The following KCNQ1 variants were observed in gnomAD, a reference collection of about 807,000 sequenced individuals.
KCNQ1 encodes potassium voltage-gated channel subfamily Q member 1.
Under a neutral mutation model 72.4 loss-of-function variants are expected in KCNQ1, and 49 were observed. The observed-to-expected ratio is 0.68, with a 90% CI of 0.54 to 0.86. The LOEUF (loss-of-function observed/expected upper bound fraction) is 0.86. Among genes scored for constraint, KCNQ1 ranks in the 40% least tolerant of loss-of-function variants. KCNQ1 has a pLI of 0.00. For missense variants in KCNQ1, 790 were observed against 945.1 expected (o/e 0.84, Z 2.15); for synonymous variants, 450 against 412.6 (o/e 1.09, Z -1.10).
rs565704875 is a variant in KCNQ1 at position 2,446,910 on chromosome 11, C to T, written c.386+1426C>T. Among the ~76,000 whole-genome samples the T allele has an allele frequency of 6.6e-5, 10 of 152,286 alleles. No homozygotes were observed. The highest frequency in any genetic ancestry group is 4.1e-4 in the South Asian group (2 of 4,826). On this transcript the variant is annotated intron_variant, in intron 1 of 15. Transcript: ENST00000155840. This position sits in a 1 kb window ranked among gnomAD's most constrained non-coding sequence, Gnocchi z 8.8. ...GCAGTGACCCCAGGGGAACCCAGTC[C>T]GATGCCACTGTGCAAATGTCTAGCA... is the stretch of plus-strand genomic sequence containing the variant.
At position 2,559,822 on chromosome 11, in the gene KCNQ1, C is replaced by A. The variant is rs548226080; in HGVS notation, c.478-10806C>A. Among the ~76,000 whole-genome samples, 2 of 152,086 alleles carry A rather than the reference C, an allele frequency of 1.3e-5. No homozygotes were observed. Among genetic ancestry groups the A allele is most frequent in the East Asian group, 3.9e-4 (2 of 5,106 alleles). Reference sequence around the variant, plus strand: ...AGGCCTGTGGCTAGGGCTCTGCTGCCTGCTTCCTGGGCAGGGGCTCCTTCC... The same window carrying A: ...AGGCCTGTGGCTAGGGCTCTGCTGCATGCTTCCTGGGCAGGGGCTCCTTCC... On this transcript the variant is annotated intron_variant, in intron 2 of 15. Coordinates refer to ENST00000155840, the MANE Select transcript of KCNQ1 (RefSeq NM_000218.3). This position sits in a 1 kb window ranked among gnomAD's most constrained non-coding sequence, Gnocchi z 4.9.
rs917355459 is a variant in KCNQ1 at position 2,647,489 on chromosome 11, T to A, written c.1394-14472T>A. 2 of 398,608 alleles carry A rather than the reference T, an allele frequency of 5.0e-6. No individual in the cohort carries two copies. The highest frequency in any genetic ancestry group is 8.8e-5 in the Admixed American group (2 of 22,736). 24.7% of individuals were successfully genotyped at this position (398,608 alleles called of 1,614,324 possible). ...CTGTTATTGTGTCCTTATCTGGTTT[T>A]GGTATCAAGATACTGCTTGCCTCAC... is the stretch of plus-strand genomic sequence containing the variant. On this transcript the variant is annotated intron_variant, in intron 10 of 15. Transcript: ENST00000155840. The surrounding 1 kb of genome is among the most constrained non-coding windows in gnomAD (Gnocchi z 4.0).
intron 15 of KCNQ1, among the ~76,000 whole-genome samples, chr11:2,812,608 C>T (rs1847513611): frequency 6.6e-6 from 1 of 152,212 alleles, no homozygotes; most frequent in South Asian, 2.1e-4. Flanking sequence ...CTTTCTCTCT[C>T]CCCCTACATT....
chr11:2,694,837 G>C (rs1041952907), intron 11 of KCNQ1: 9 of 398,520 alleles, frequency 2.3e-5, no homozygotes, highest in African/African-American at 1.9e-4. Flanking sequence ...GACAGATATG[G>C]CAGGTCAGAG....
chr11:2,739,331 C>T (rs1009471493), intron 11 of KCNQ1, among the ~76,000 whole-genome samples: 20 of 152,178 alleles, frequency 1.3e-4, no homozygotes, highest in Admixed American at 2.0e-4. Context: ...GTGGCAGGCC[C>T]GAGATTGCCT....
Position 2,848,827 on chromosome 11 carries a change from G to A in KCNQ1, c.*824G>A, listed in dbSNP as rs577950799. On this transcript the variant is annotated 3_prime_UTR_variant, in exon 16 of 16. Transcript: ENST00000155840. ...ACCTCCCCTTGCCAGCTGCTGAGCC[G>A]CAGAGAAGTGACGGTTCCTACACAG... The A allele has an allele frequency of 2.2e-5, 10 of 454,174 alleles. No individual in the cohort carries two copies. The highest frequency in any genetic ancestry group is 8.0e-5 in the African/African-American group (4 of 50,132). The allele number at this position is 454,174 out of a possible 1,614,324, so 28.1% of individuals were successfully genotyped here.
chr11:2,705,318 A>G (rs1850889212), intron 11 of KCNQ1, among the ~76,000 whole-genome samples: 1 of 151,970 alleles, frequency 6.6e-6, no homozygotes, highest in African/African-American at 2.4e-5. Context: ...GCCAGTTCCC[A>G]TTGGGAGGGC....
intron 1 of KCNQ1, among the ~76,000 whole-genome samples, chr11:2,460,827 A>C (rs969824820): frequency 4.6e-5 from 7 of 152,296 alleles, no homozygotes; most frequent in Non-Finnish European, 7.4e-5. Context: ...AGACTGCTTC[A>C]AGCCTCTGGA....
In KCNQ1 at chr11:2,598,340, C is replaced by T. The variant is rs1321398373; in HGVS notation, c.1393+9486C>T. ...ATTTTTAAGCAGTAAATTTTTATCA[C>T]TGTTATTTATTTCTAATTTAGTAGG... On this transcript the variant is annotated intron_variant, in intron 10 of 15. Coordinates refer to ENST00000155840, the MANE Select transcript of KCNQ1 (RefSeq NM_000218.3). This position sits in a 1 kb window ranked among gnomAD's most constrained non-coding sequence, Gnocchi z 6.2. 1.3e-5 allele frequency among the ~76,000 whole-genome samples: 2 copies of T among 152,062 alleles called. No individual in the cohort carries two copies. Among genetic ancestry groups the T allele is most frequent in the Non-Finnish European group, 2.9e-5 (2 of 67,994 alleles).
chr11:2,560,832 C>T (rs1027170078), intron 2 of KCNQ1, among the ~76,000 whole-genome samples: 19 of 151,970 alleles, frequency 1.3e-4, no homozygotes, highest in Admixed American at 5.9e-4. Context: ...TGAGGACAGA[C>T]GTGGAGGAAA....
In KCNQ1 at chr11:2,484,708, T is replaced by C. The variant is rs1846707631; in HGVS notation, c.386+39224T>C. Reference sequence around the variant, plus strand: ...TAGAAACCCAGGCCTGGGTGCATGGTGTGCTCATCGCCACTGTGGACCTGC... The same window carrying C: ...TAGAAACCCAGGCCTGGGTGCATGGCGTGCTCATCGCCACTGTGGACCTGC... On this transcript the variant is annotated intron_variant, in intron 1 of 15. Coordinates refer to ENST00000155840, the MANE Select transcript of KCNQ1 (RefSeq NM_000218.3). The surrounding 1 kb of genome is among the most constrained non-coding windows in gnomAD (Gnocchi z 5.2). 6.6e-6 allele frequency among the ~76,000 whole-genome samples: 1 copy of C among 152,134 alleles called. No homozygotes were observed. Among genetic ancestry groups the C allele is most frequent in the Admixed American group, 6.5e-5 (1 of 15,274 alleles).
rs1226246079 is a variant in KCNQ1, at chr11:2,748,469, G to T, written c.1515-20375G>T. ...TCCCCAGGCAGGGCCCTCAGCACCT[G>T]ATGCCAAACCAGGCTCCACTCTTCC... On this transcript the variant is annotated intron_variant, in intron 11 of 15. Coordinates refer to ENST00000155840, the MANE Select transcript of KCNQ1 (RefSeq NM_000218.3). The surrounding 1 kb of genome is among the most constrained non-coding windows in gnomAD (Gnocchi z 6.2). Among the ~76,000 whole-genome samples, 1 of 152,188 alleles carries T rather than the reference G, an allele frequency of 6.6e-6. No homozygotes were observed. Among genetic ancestry groups the T allele is most frequent in the East Asian group, 1.9e-4 (1 of 5,184 alleles).
chr11:2,625,442 A>G, intron 10 of KCNQ1: 1 of 398,530 alleles, frequency 2.5e-6, no homozygotes, highest in Non-Finnish European at 4.4e-6. Flanking sequence ...TTTTTTTAAT[A>G]GTAGTCATCT....
rs1432570727 is a variant in KCNQ1 at position 2,450,365 on chromosome 11, G to C, written c.386+4881G>C. ...GGAGAGCATGGTGTCGGCCCGGGGA[G>C]ATGCCGCAGAGAAGCTTCCAGAAGC... On this transcript the variant is annotated intron_variant, in intron 1 of 15. Coordinates refer to ENST00000155840, the MANE Select transcript of KCNQ1 (RefSeq NM_000218.3). The surrounding 1 kb of genome is among the most constrained non-coding windows in gnomAD (Gnocchi z 7.9). Among the ~76,000 whole-genome samples, 3 of 152,194 alleles carry C rather than the reference G, an allele frequency of 2.0e-5. No individual in the cohort carries two copies. The highest frequency in any genetic ancestry group is 4.4e-5 in the Non-Finnish European group (3 of 68,036).
chr11:2,555,074 C>T (rs542469053), intron 2 of KCNQ1, among the ~76,000 whole-genome samples: 12 of 152,282 alleles, frequency 7.9e-5, no homozygotes, highest in East Asian at 1.9e-4. Flanking sequence ...CAACACTGCG[C>T]GGGCCCCTGA....
Position 2,826,977 on chromosome 11 carries a change from G to A in KCNQ1, c.1795-20790G>A, listed in dbSNP as rs1418716332. On this transcript the variant is annotated intron_variant, in intron 15 of 15. Coordinates refer to ENST00000155840, the MANE Select transcript of KCNQ1 (RefSeq NM_000218.3). This position sits in a 1 kb window ranked among gnomAD's most constrained non-coding sequence, Gnocchi z 4.2. ...GGGACATCTCCAAGGAGGTGACATCGGAGCAGTCCTCTAAGGAGTTTGGAG... is the reference window on the plus strand; with the variant it reads ...GGGACATCTCCAAGGAGGTGACATCAGAGCAGTCCTCTAAGGAGTTTGGAG... 2.0e-5 allele frequency among the ~76,000 whole-genome samples: 3 copies of A among 152,312 alleles called. No homozygotes were observed. Among genetic ancestry groups the A allele is most frequent in the South Asian group, 2.1e-4 (1 of 4,826 alleles).
chr11:2,604,174 G>A (rs1205860287), intron 10 of KCNQ1, among the ~76,000 whole-genome samples: 1 of 151,902 alleles, frequency 6.6e-6, no homozygotes, highest in Non-Finnish European at 1.5e-5. Flanking sequence ...TATCTCCTGG[G>A]CATGAAAGAG....
At chr11:2,754,960 C>A (rs1846277307) in intron 11 of KCNQ1, among the ~76,000 whole-genome samples, 1 of 152,156 alleles carries the variant, frequency 6.6e-6, no homozygotes, top group Non-Finnish European at 1.5e-5. Context: ...TAACAGGTGA[C>A]CCCCAACACA....
Position 2,712,236 on chromosome 11 carries a change from G to A in KCNQ1, c.1514+50155G>A, listed in dbSNP as rs1209510149. On this transcript the variant is annotated intron_variant, in intron 11 of 15. Transcript: ENST00000155840. The surrounding 1 kb of genome is among the most constrained non-coding windows in gnomAD (Gnocchi z 6.4). ...TGCATTTATTGAGTGCCTTCTGGGTGCCCGGCCCTCTACTAGATGTGGGAG... is the reference window on the plus strand; with the variant it reads ...TGCATTTATTGAGTGCCTTCTGGGTACCCGGCCCTCTACTAGATGTGGGAG... 2.0e-5 allele frequency among the ~76,000 whole-genome samples: 3 copies of A among 152,108 alleles called. No individual in the cohort carries two copies. The highest frequency in any genetic ancestry group is 4.4e-5 in the Non-Finnish European group (3 of 68,012).
Sources: gnomAD v4.1 joint callset for allele counts (sites outside exome capture counted in the v4.1 genomes callset) on GRCh38, gnomAD v4.1.1 for gene constraint, Gnocchi (gnomAD v3.1) non-coding constraint, MANE v1.5 for transcripts, NCBI Gene and HGNC (gene_info 2026-07-23, HGNC 2026-07-21) for gene names.